The following PARP14 variants were observed in gnomAD, a reference collection of about 807,000 sequenced individuals.
PARP14 encodes the protein poly(ADP-ribose) polymerase family member 14.
PARP14 carries 59 observed loss-of-function variants against 154.2 expected under a neutral mutation model. That is an observed-to-expected ratio of 0.38 (90% CI 0.31 to 0.48). PARP14 has a LOEUF of 0.48. Among genes scored for constraint, PARP14 ranks in the 20% least tolerant of loss-of-function variants. The probability of loss-of-function intolerance (pLI) is 0.98; values close to 1 mark genes in which losing one functional copy is unlikely to be tolerated. For synonymous variants in PARP14, 720 were observed against 780.5 expected (o/e 0.92, Z 1.29); for missense variants, 1,734 against 2,131.6 (o/e 0.81, Z 3.67).
At chr3:122,687,178 C>A in intron 3 of PARP14, 65 bp downstream of exon 3, 1 of 1,139,490 alleles carries the variant, frequency 8.8e-7, no homozygotes, top group Non-Finnish European at 1.3e-6. Flanking sequence ...AAAGGCAGCA[C>A]TTGAGGGAGT....
rs546065749 is a variant in PARP14, at chr3:122,715,579, A to C, written c.4000+1150A>C. Among the ~76,000 whole-genome samples the C allele has an allele frequency of 1.1e-3, 161 of 151,368 alleles. 1 individual carries two copies. Among genetic ancestry groups the C allele is most frequent in the Non-Finnish European group, 2.1e-3 (139 of 67,800 alleles). On this transcript the variant is annotated intron_variant, in intron 12 of 16. Coordinates refer to ENST00000474629, the MANE Select transcript of PARP14 (RefSeq NM_017554.3). ...TAGCAGATTAGCCAACATTTCTCCT[A>C]TCTCTCTCTACCAGTCATCTATCTA...
At chr3:122,698,468 G>A (rs1190303178) in intron 5 of PARP14, among the ~76,000 whole-genome samples, 1 of 152,158 alleles carries the variant, frequency 6.6e-6, no homozygotes. Context: ...AGGAGGTGTG[G>A]TTCTTACTGA....
chr3:122,707,702 G>A (rs187116328), intron 8 of PARP14, among the ~76,000 whole-genome samples: 1 of 152,250 alleles, frequency 6.6e-6, no homozygotes, highest in East Asian at 1.9e-4. Context: ...GGAGGCTGAG[G>A]TGGGAGAATT....
rs1487945139 is a variant in PARP14 at position 122,730,770 on chromosome 3, T to G, written c.*2173T>G. On this transcript the variant is annotated 3_prime_UTR_variant, in exon 17 of 17. Transcript: ENST00000474629. The stretch of plus-strand genomic sequence containing the variant: ...AATAATAATCCATTCAGTAATGTTA[T>G]AGTTATCCTCAATCTAAATATGTCA... 6.5e-6 allele frequency: 1 copy of G among 152,698 alleles called. No homozygotes were observed. Among genetic ancestry groups the G allele is most frequent in the Admixed American group, 6.5e-5 (1 of 15,290 alleles). 9.5% of individuals were successfully genotyped at this position (152,698 alleles called of 1,614,324 possible).
chr3:122,685,351 T>G, intron 2 of PARP14, 33 bp downstream of exon 2: 1 of 1,603,022 alleles, frequency 6.2e-7, no homozygotes, highest in Non-Finnish European at 8.5e-7. Flanking sequence ...TAAAAGGGAT[T>G]TAGGTCTCCC....
rs1308269644 is a variant in PARP14 at position 122,718,346 on chromosome 3, C to A, written c.4208-13C>A. 1.2e-6 allele frequency: 2 copies of A among 1,610,690 alleles called. No homozygotes were observed. The highest frequency in any genetic ancestry group is 1.7e-6 in the Non-Finnish European group (2 of 1,178,628). On this transcript the variant is annotated splice_polypyrimidine_tract_variant and intron_variant, in intron 13 of 16. Transcript: ENST00000474629. ...GTCACATGTGAAATACCTAATCTTCCTTTTCTTTTTAGCATTTTTGGGCTT... is the reference window on the plus strand; with the variant it reads ...GTCACATGTGAAATACCTAATCTTCATTTTCTTTTTAGCATTTTTGGGCTT...
intron 1 of PARP14, among the ~76,000 whole-genome samples, chr3:122,683,814 G>A (rs1252753800): frequency 2.0e-5 from 3 of 152,176 alleles, no homozygotes; most frequent in Non-Finnish European, 4.4e-5. Flanking sequence ...TAGATGCCTA[G>A]ACAGGACTTT....
intron 3 of PARP14, among the ~76,000 whole-genome samples, chr3:122,688,352 T>C (rs1005651923): frequency 6.6e-6 from 1 of 152,240 alleles, no homozygotes; most frequent in Non-Finnish European, 1.5e-5. Context: ...CTTAACTCTG[T>C]CTTAACTGAC....
rs1258650986 is a variant in PARP14 at position 122,718,661 on chromosome 3, G to A, written c.4510G>A (p.Val1504Met). Residue 1504 changes from valine (V) to methionine (M), a missense_variant, in exon 14 of 17, where the codon GTG becomes ATG. Coordinates refer to ENST00000474629, the MANE Select transcript of PARP14 (RefSeq NM_017554.3). ...TAAGGTTTTGGGAATTAGCAGAGAT[G>A]TGATGCAGGCTAGAGATGAAATTGA... ...LIKVLGISRD[V>M]MQARDEIEAM... The A allele has an allele frequency of 6.2e-7, 1 of 1,613,844 alleles. No individual in the cohort carries two copies. The highest frequency in any genetic ancestry group is 1.7e-5 in the Admixed American group (1 of 59,998).
intron 5 of PARP14, among the ~76,000 whole-genome samples, chr3:122,696,005 A>G (rs1938761243): frequency 6.6e-6 from 1 of 152,230 alleles, no homozygotes; most frequent in Non-Finnish European, 1.5e-5. Context: ...CAAATTAATT[A>G]TGACAAGGTT....
At position 122,681,146 on chromosome 3, in the gene PARP14, C is replaced by G; in HGVS notation, c.187+76C>G. 1 of 813,044 alleles carries G rather than the reference C, an allele frequency of 1.2e-6. No homozygotes were observed. The highest frequency in any genetic ancestry group is 1.7e-6 in the Non-Finnish European group (1 of 596,994). The allele number at this position is 813,044 out of a possible 1,614,324, so 50.4% of individuals were successfully genotyped here. A position where few individuals can be genotyped will look rare whatever the true frequency, so the allele number is the denominator to read the frequency against. ...CAGGGAAATGGCGGCAGGGCACGCA[C>G]GGGAGGGTGACCCGCCCGACTTCGG... On this transcript the variant is annotated intron_variant, in intron 1 of 16. Coordinates refer to ENST00000474629, the MANE Select transcript of PARP14 (RefSeq NM_017554.3). This position sits in a 1 kb window ranked among gnomAD's most constrained non-coding sequence, Gnocchi z 5.5.
intron 7 of PARP14, 62 bp from the exon 8 acceptor site, chr3:122,704,465 C>A: frequency 9.5e-7 from 1 of 1,050,056 alleles, no homozygotes; most frequent in Non-Finnish European, 1.4e-6. Context: ...AAATTCTTGT[C>A]CTTTTTGTTC....
At chr3:122,716,737 C>T (rs555731712) in intron 12 of PARP14, among the ~76,000 whole-genome samples, 2 of 152,312 alleles carry the variant, frequency 1.3e-5, no homozygotes, top group Admixed American at 6.5e-5. Flanking sequence ...TAGACCTGGG[C>T]TCCCCGCTCC....
In PARP14 at chr3:122,687,190, A is replaced by G. The variant is rs1250784034; in HGVS notation, c.355+77A>G. ...ATTAAAGGCAGCACTTGAGGGAGTC[A>G]GCCCTCTCTTCTTGACTTCCACTAT... On this transcript the variant is annotated intron_variant, in intron 3 of 16. Coordinates refer to ENST00000474629, the MANE Select transcript of PARP14 (RefSeq NM_017554.3). 3 of 999,344 alleles carry G rather than the reference A, an allele frequency of 3.0e-6. No individual in the cohort carries two copies. In the Admixed American group the frequency reaches 6.0e-5, roughly 20 times the overall value. The allele number at this position is 999,344 out of a possible 1,614,324, so 61.9% of individuals were successfully genotyped here.
chr3:122,712,624 C>T (rs551493174), intron 9 of PARP14, among the ~76,000 whole-genome samples: 48 of 151,924 alleles, frequency 3.2e-4, no homozygotes, highest in African/African-American at 1.0e-3. Context: ...ACAATCTCAA[C>T]TCACTGCAGC....
chr3:122,685,114 A>G (rs1333427245), intron 1 of PARP14, 71 bp from the exon 2 acceptor site: 3 of 1,564,432 alleles, frequency 1.9e-6, no homozygotes, highest in African/African-American at 1.4e-5. Flanking sequence ...CAGCCCACGG[A>G]AATCATAGAA....
In PARP14 at chr3:122,701,852, G is replaced by A. The variant is rs1245972203; in HGVS notation, c.3081+217G>A. ...GATCGGCCAATTATTTGTGAGAACT[G>A]AAAGGGTATAGAGGTCAGATTGCTA... On this transcript the variant is annotated intron_variant, in intron 6 of 16. Transcript: ENST00000474629. This position sits in a 1 kb window ranked among gnomAD's most constrained non-coding sequence, Gnocchi z 4.0. Among the ~76,000 whole-genome samples, 1 of 152,220 alleles carries A rather than the reference G, an allele frequency of 6.6e-6. No individual in the cohort carries two copies. Among genetic ancestry groups the A allele is most frequent in the Admixed American group, 6.5e-5 (1 of 15,292 alleles).
chr3:122,707,777 C>A (rs1011946590), intron 8 of PARP14, among the ~76,000 whole-genome samples: 4 of 152,046 alleles, frequency 2.6e-5, no homozygotes, highest in Middle Eastern at 3.2e-3. Flanking sequence ...CCAGCCTGGG[C>A]GACACCCCAG....
At chr3:122,685,711 T>C (rs1399514107) in intron 2 of PARP14, among the ~76,000 whole-genome samples, 1 of 152,090 alleles carries the variant, frequency 6.6e-6, no homozygotes, top group East Asian at 1.9e-4. Flanking sequence ...GGTTTCACCA[T>C]ATTGGCCAGG....
Sources: gnomAD v4.1 joint callset for allele counts (sites outside exome capture counted in the v4.1 genomes callset) on GRCh38, gnomAD v4.1.1 for gene constraint, Gnocchi (gnomAD v3.1) non-coding constraint, MANE v1.5 for transcripts, NCBI Gene and HGNC (gene_info 2026-07-23, HGNC 2026-07-21) for gene names.